Variants in AKAP19 observed in about 807,000 individuals in gnomAD.
AKAP19 encodes the protein small A-kinase anchoring protein.
the AKAP19 span, among the ~76,000 whole-genome samples, chr2:190,177,002 T>C: frequency 6.6e-6 from 1 of 152,214 alleles, no homozygotes; most frequent in Non-Finnish European, 1.5e-5. The surrounding 1 kb of genome is among the most constrained non-coding windows in gnomAD (Gnocchi z 4.6). Flanking sequence ...TAAAAGATTT[T>C]TTTTTTCCCT....
the AKAP19 span, among the ~76,000 whole-genome samples, chr2:190,193,153 T>C: frequency 1.3e-5 from 2 of 152,140 alleles, no homozygotes; most frequent in Non-Finnish European, 2.9e-5. Flanking sequence ...AATACTTTGC[T>C]GGGATTTTAA....
chr2:190,145,160 G>A, the AKAP19 span, among the ~76,000 whole-genome samples: 123 of 152,142 alleles, frequency 8.1e-4, no homozygotes, highest in Non-Finnish European at 1.4e-3. Flanking sequence ...GGTAGCCCAC[G>A]TCTGTAGTCC....
chr2:189,939,332 A>G, the AKAP19 span, among the ~76,000 whole-genome samples: 2 of 152,208 alleles, frequency 1.3e-5, no homozygotes, highest in Non-Finnish European at 2.9e-5. Context: ...GGGATGGGGA[A>G]CACTCTGATT....
chr2:189,889,431 T>C, the AKAP19 span, among the ~76,000 whole-genome samples: 1 of 152,248 alleles, frequency 6.6e-6, no homozygotes, highest in Non-Finnish European at 1.5e-5. Flanking sequence ...ATCAGGATGA[T>C]ACTGGCCTCA....
chr2:189,941,108 C>T, the AKAP19 span, among the ~76,000 whole-genome samples: 2 of 152,198 alleles, frequency 1.3e-5, no homozygotes, highest in East Asian at 3.9e-4. Flanking sequence ...TTTCTAACTG[C>T]CATCCAATAA....
At chr2:189,918,146 C>T in the AKAP19 span, among the ~76,000 whole-genome samples, 1 of 152,014 alleles carries the variant, frequency 6.6e-6, no homozygotes, top group African/African-American at 2.4e-5. Context: ...CTTAGAGCCC[C>T]AGGAGACAAT....
chr2:190,150,859 A>G, the AKAP19 span, among the ~76,000 whole-genome samples: 4 of 151,530 alleles, frequency 2.6e-5, no homozygotes, highest in Non-Finnish European at 5.9e-5. Context: ...AATGTACTAT[A>G]GGAGTTTTGG....
At chr2:190,169,050 G>A in the AKAP19 span, among the ~76,000 whole-genome samples, 16 of 152,226 alleles carry the variant, frequency 1.1e-4, no homozygotes, top group Admixed American at 2.6e-4. Context: ...ACACATATGC[G>A]AGATTGGGTA....
the AKAP19 span, chr2:190,060,403 TG>T: frequency 6.2e-7 from 1 of 1,610,798 alleles, no homozygotes; most frequent in Non-Finnish European, 8.5e-7. Flanking sequence ...AAGCAACATT[TG>T]GGTTTTCCAT....
the AKAP19 span, among the ~76,000 whole-genome samples, chr2:190,167,890 A>C: frequency 6.6e-6 from 1 of 152,180 alleles, no homozygotes; most frequent in African/African-American, 2.4e-5. Flanking sequence ...TTCCAGGTGC[A>C]CGGTGCTAGC....
the AKAP19 span, among the ~76,000 whole-genome samples, chr2:189,997,082 G>A: frequency 1.3e-5 from 2 of 152,224 alleles, no homozygotes; most frequent in African/African-American, 4.8e-5. Context: ...TATGCTAGCA[G>A]TGAAGTTGTC....
the AKAP19 span, among the ~76,000 whole-genome samples, chr2:190,004,583 AT>A: frequency 4.3e-3 from 626 of 145,172 alleles, 3 homozygotes; most frequent in Middle Eastern, 0.028. Context: ...AAACCTTTTT[AT>A]TTTTTTTTTT....
the AKAP19 span, among the ~76,000 whole-genome samples, chr2:189,951,403 T>C: frequency 1.3e-5 from 2 of 152,098 alleles, no homozygotes; most frequent in African/African-American, 4.8e-5. Context: ...GGTTTCACCA[T>C]GTTGGCCAGG....
the AKAP19 span, among the ~76,000 whole-genome samples, chr2:189,886,539 T>C: frequency 6.6e-6 from 1 of 152,184 alleles, no homozygotes; most frequent in Non-Finnish European, 1.5e-5. Context: ...AAGATTTTGG[T>C]CTTAAGTGAG....
At chr2:190,058,985 AAC>A in the AKAP19 span, among the ~76,000 whole-genome samples, 5 of 149,458 alleles carry the variant, frequency 3.3e-5, no homozygotes, top group Admixed American at 6.6e-5. Flanking sequence ...ATTGAAGTAA[AAC>A]ATGTGTGTGT....
At chr2:190,035,768 G>C in the AKAP19 span, among the ~76,000 whole-genome samples, 19 of 152,260 alleles carry the variant, frequency 1.2e-4, no homozygotes, top group African/African-American at 4.3e-4. Flanking sequence ...TCTTGTTGTT[G>C]TTCAGTTGTA....
At chr2:189,947,502 C>T in the AKAP19 span, among the ~76,000 whole-genome samples, 1 of 152,038 alleles carries the variant, frequency 6.6e-6, no homozygotes, top group Non-Finnish European at 1.5e-5. Context: ...GCAATAATGA[C>T]ACTTTGTCAC....
At chr2:189,926,585 CTTTT>C in the AKAP19 span, among the ~76,000 whole-genome samples, 3 of 72,394 alleles carry the variant, frequency 4.1e-5, no homozygotes, top group African/African-American at 5.1e-5. Flanking sequence ...CGCGCCCGGC[CTTTT>C]TTTTTTTTTT....
the AKAP19 span, among the ~76,000 whole-genome samples, chr2:190,126,404 A>G: frequency 0.02 from 2,976 of 150,328 alleles, 41 homozygotes; most frequent in Middle Eastern, 0.031. Flanking sequence ...AAATATGTAT[A>G]AGATAGCATA....
Sources: allele counts gnomAD v4.1 joint callset (sites outside exome capture counted in the v4.1 genomes callset), GRCh38; gene constraint gnomAD v4.1.1; non-coding constraint Gnocchi (gnomAD v3.1); transcripts MANE v1.5; gene names NCBI Gene and HGNC (gene_info 2026-07-23, HGNC 2026-07-21).